The following CALN1 variants were observed in gnomAD, a reference collection of about 807,000 sequenced individuals.
The protein encoded by CALN1 is calcium-binding protein 8.
In CALN1, 17 loss-of-function variants were observed where a neutral mutation model predicts 30.6. The ratio of observed to expected loss-of-function variants is 0.56; its 90% CI spans 0.38 to 0.83. The LOEUF is 0.83. Among genes scored for constraint, CALN1 ranks in the 40% least tolerant of loss-of-function variants. The pLI, the probability that CALN1 is intolerant of heterozygous loss-of-function variation, is 0.00. For missense variants in CALN1, 291 were observed against 354.9 expected (o/e 0.82, Z 1.45); for synonymous variants, 156 against 131.4 (o/e 1.19, Z -1.28).
At chr7:71,908,527 C>T (rs1333210138) in intron 5 of CALN1, among the ~76,000 whole-genome samples, 2 of 152,102 alleles carry the variant, frequency 1.3e-5, no homozygotes, top group Non-Finnish European at 2.9e-5. Context: ...GATAAAAATT[C>T]CTTTCTTTAA....
At chr7:71,814,332 A>G (rs1331451892) in intron 5 of CALN1, among the ~76,000 whole-genome samples, 1 of 151,980 alleles carries the variant, frequency 6.6e-6, no homozygotes, top group Admixed American at 6.6e-5. Context: ...TTGACTTTTT[A>G]GTTTTTATGT....
chr7:71,979,565 G>C (rs77891554), intron 5 of CALN1, among the ~76,000 whole-genome samples: 8,857 of 152,204 alleles, frequency 0.058, 358 homozygotes, highest in Admixed American at 0.12. Context: ...GACAGGGAGA[G>C]GCTGTAAATA....
Position 71,883,656 on chromosome 7 carries a change from T to C in CALN1, c.502-73164A>G, listed in dbSNP as rs1022910605. Among the ~76,000 whole-genome samples, 3 of 152,202 alleles carry C rather than the reference T, an allele frequency of 2.0e-5. No individual in the cohort carries two copies. In the East Asian group the frequency reaches 5.8e-4, roughly 29 times the overall value. On this transcript the variant is annotated intron_variant, in intron 5 of 6. Coordinates refer to ENST00000395275, the MANE Select transcript of CALN1 (RefSeq NM_031468.4). ...ATGCCTCTAAGACTTCCAGTGTATC[T>C]ACTGCTCCTTGTGTAAGAGCAGGTG...
At chr7:72,434,355 A>C (rs1245528448) in intron 1 of CALN1, among the ~76,000 whole-genome samples, 3 of 151,260 alleles carry the variant, frequency 2.0e-5, no homozygotes, top group African/African-American at 4.9e-5. Context: ...TACCAAAAAA[A>C]AAAAAAACAA....
intron 3 of CALN1, among the ~76,000 whole-genome samples, chr7:72,108,952 T>C (rs1031893486): frequency 1.3e-5 from 2 of 152,222 alleles, no homozygotes; most frequent in African/African-American, 4.8e-5. Context: ...TCTCCCTTTC[T>C]GCTGACTGTT....
intron 3 of CALN1, among the ~76,000 whole-genome samples, chr7:72,203,342 T>TA (rs1280401735): frequency 5.9e-5 from 9 of 151,488 alleles, no homozygotes; most frequent in Non-Finnish European, 1.3e-4. Flanking sequence ...TCCCAGAACT[T>TA]AAAGTAAAAT....
intron 5 of CALN1, among the ~76,000 whole-genome samples, chr7:71,914,529 T>A (rs895853696): frequency 6.6e-6 from 1 of 152,238 alleles, no homozygotes; most frequent in Non-Finnish European, 1.5e-5. Context: ...TGTGTCTTTA[T>A]AACAGAATGA....
chr7:71,872,914 G>A (rs555821409), intron 5 of CALN1, among the ~76,000 whole-genome samples: 6 of 151,490 alleles, frequency 4.0e-5, no homozygotes, highest in Non-Finnish European at 8.8e-5. Context: ...GCGCCCGGCC[G>A]TGCTTTATTT....
chr7:72,413,264 T>TCA (rs371234507), upstream of CALN1, among the ~76,000 whole-genome samples: 1 of 148,414 alleles, frequency 6.7e-6, no homozygotes, highest in African/African-American at 2.5e-5. Flanking sequence ...ACATATACAT[T>TCA]CACACACACA....
chr7:71,801,424 G>GTATCTATCTATCTATCTATCTATCTATC (rs1302790129), intron 6 of CALN1, among the ~76,000 whole-genome samples: 2 of 102,634 alleles, frequency 1.9e-5, no homozygotes, highest in Admixed American at 1.1e-4. Context: ...ATGTATGTAT[G>GTATCTATCTATCTATCTATCTATCTATC]TATGTATCTA....
At position 72,383,221 on chromosome 7, in the gene CALN1, CG is replaced by C. The variant is rs147423559; in HGVS notation, c.119+20029del. Among the ~76,000 whole-genome samples the C allele has an allele frequency of 7.8e-3, 1,186 of 152,276 alleles. 18 individuals are homozygous for C. The highest frequency in any genetic ancestry group is 0.027 in the African/African-American group (1,132 of 41,548). ...CTATTGTGAATAATGCTGCAATGAACGTAACGGTACATGTGTCTTCCTGGCA... is the reference window on the plus strand; with the variant it reads ...CTATTGTGAATAATGCTGCAATGAACTAACGGTACATGTGTCTTCCTGGCA... On this transcript the variant is annotated intron_variant, in intron 2 of 6. Coordinates refer to ENST00000395275, the MANE Select transcript of CALN1 (RefSeq NM_031468.4).
rs537254719 is a variant in CALN1 at position 72,170,294 on chromosome 7, T to C, written c.245-64000A>G. Among the ~76,000 whole-genome samples, 19 of 152,324 alleles carry C rather than the reference T, an allele frequency of 1.2e-4. 1 individual carries two copies. The South Asian group carries it at 2.5e-3, about 20-fold the overall frequency. ...GTGCCTGGCTACCTCTCTAACTCTT[T>C]ATTTTGCTGGCATTTAGTTCTACTC... On this transcript the variant is annotated intron_variant, in intron 3 of 6. Coordinates refer to ENST00000395275, the MANE Select transcript of CALN1 (RefSeq NM_031468.4).
At chr7:72,319,669 C>G (rs907677466) in intron 2 of CALN1, among the ~76,000 whole-genome samples, 1 of 152,176 alleles carries the variant, frequency 6.6e-6, no homozygotes, top group Non-Finnish European at 1.5e-5. Context: ...GGTTTCCAAG[C>G]TATGCACAAT....
intron 5 of CALN1, among the ~76,000 whole-genome samples, chr7:72,011,803 C>A (rs543158116): frequency 2.0e-5 from 3 of 152,236 alleles, no homozygotes; most frequent in South Asian, 2.1e-4. Flanking sequence ...CACCACCAGA[C>A]CCAGCTAATT....
intron 6 of CALN1, 124 bp downstream of exon 6, chr7:71,810,212 T>G: frequency 2.0e-6 from 2 of 983,050 alleles, no homozygotes; most frequent in Non-Finnish European, 2.9e-6. Context: ...CAGTCCTGGA[T>G]TTTTGGCTTC....
At chr7:72,047,564 G>A (rs750581454) in intron 4 of CALN1, among the ~76,000 whole-genome samples, 8 of 152,162 alleles carry the variant, frequency 5.3e-5, no homozygotes, top group Non-Finnish European at 1.2e-4. Context: ...ACCGCAGTCA[G>A]AGTAACGGAG....
chr7:71,820,951 G>A lies in CALN1; in HGVS notation c.502-10459C>T, dbSNP rs145658639. Among the ~76,000 whole-genome samples, 112 of 152,308 alleles carry A rather than the reference G, an allele frequency of 7.4e-4. 2 individuals are homozygous for A. The East Asian group carries it at 0.021, about 28-fold the overall frequency. ...TGATGGATCACTGTGTGTGGTGTGT[G>A]AAGGCGAATGGGCCATCCAGGGAGA... On this transcript the variant is annotated intron_variant, in intron 5 of 6. Coordinates refer to ENST00000395275, the MANE Select transcript of CALN1 (RefSeq NM_031468.4).
the CALN1 span, among the ~76,000 whole-genome samples, chr7:72,485,934 C>T: frequency 7.2e-5 from 11 of 152,198 alleles, no homozygotes; most frequent in South Asian, 2.3e-3. Flanking sequence ...TGTTGCTTAA[C>T]AGTGAGCATA....
chr7:71,985,554 TA>T (rs1348711362), intron 5 of CALN1, among the ~76,000 whole-genome samples: 7 of 148,698 alleles, frequency 4.7e-5, no homozygotes, highest in Non-Finnish European at 1.5e-5. Context: ...AACACAGTCC[TA>T]AAGAAACTCA....
Sources: gnomAD v4.1 joint callset for allele counts (sites outside exome capture counted in the v4.1 genomes callset) on GRCh38, gnomAD v4.1.1 for gene constraint, MANE v1.5 for transcripts, NCBI Gene and HGNC (gene_info 2026-07-23, HGNC 2026-07-21) for gene names.